The following C6orf89 variants were observed in gnomAD, a reference collection of about 807,000 sequenced individuals.
C6orf89 encodes bombesin receptor-activated protein C6orf89.
C6orf89 carries 29 observed loss-of-function variants against 40.7 expected under a neutral mutation model. That is an observed-to-expected ratio of 0.71 (90% CI 0.53 to 0.97). C6orf89 has a LOEUF of 0.97. C6orf89 is among the 50% of genes least tolerant of loss of function. The probability of loss-of-function intolerance (pLI) is 0.00; values close to 1 mark genes in which losing one functional copy is unlikely to be tolerated. For synonymous variants in C6orf89, 165 were observed against 152.2 expected, an observed-to-expected ratio of 1.08 and a Z score of -0.62; for missense variants, 392 against 429.1, an observed-to-expected ratio of 0.91 and a Z score of 0.76.
chr6:36,905,282 C>T (rs1761887740), intron 4 of C6orf89, among the ~76,000 whole-genome samples: 1 of 152,128 alleles, frequency 6.6e-6, no homozygotes, highest in Admixed American at 6.5e-5. Context: ...ATGATTTGAA[C>T]CCAGGCAGCC....
At chr6:36,911,277 A>G (rs1762115425) in intron 4 of C6orf89, among the ~76,000 whole-genome samples, 1 of 152,116 alleles carries the variant, frequency 6.6e-6, no homozygotes, top group African/African-American at 2.4e-5. Context: ...ATCATCTGAG[A>G]TCAGGAGTTT....
At chr6:36,898,003 C>A (rs971207631) in intron 2 of C6orf89, among the ~76,000 whole-genome samples, 1 of 152,214 alleles carries the variant, frequency 6.6e-6, no homozygotes, top group Non-Finnish European at 1.5e-5. Context: ...AAGAAGCACT[C>A]TTCTTCCTCC....
chr6:36,906,742 A>G (rs1355285302), intron 4 of C6orf89, among the ~76,000 whole-genome samples: 1 of 152,164 alleles, frequency 6.6e-6, no homozygotes, highest in Non-Finnish European at 1.5e-5. Context: ...TTCATTGTCA[A>G]GGCTTCACCC....
intron 1 of C6orf89, among the ~76,000 whole-genome samples, chr6:36,872,395 T>C (rs945114410): frequency 3.3e-5 from 5 of 152,150 alleles, no homozygotes; most frequent in African/African-American, 1.2e-4. Context: ...ACATTACCTA[T>C]TCAAAAAATT....
chr6:36,921,490 C>T (rs532337221), intron 8 of C6orf89, among the ~76,000 whole-genome samples: 2 of 152,106 alleles, frequency 1.3e-5, no homozygotes, highest in African/African-American at 4.8e-5. Flanking sequence ...ACCAGAAAAC[C>T]TTTTGGGGGT....
upstream of C6orf89, among the ~76,000 whole-genome samples, chr6:36,882,727 C>CTTTTTTTT (rs1561854588): frequency 5.2e-5 from 3 of 57,450 alleles, no homozygotes; most frequent in African/African-American, 5.0e-5. Context: ...TTTTTTTTTT[C>CTTTTTTTT]TTTTTTCTTT....
intron 4 of C6orf89, among the ~76,000 whole-genome samples, chr6:36,910,310 GAATTT>G (rs1182028901): frequency 6.6e-6 from 1 of 151,968 alleles, no homozygotes; most frequent in African/African-American, 2.4e-5. Context: ...AATCAATCTA[GAATTT>G]AATTTAGTAT....
intron 2 of C6orf89, among the ~76,000 whole-genome samples, chr6:36,895,368 T>C (rs1276181014): frequency 1.3e-5 from 2 of 152,194 alleles, no homozygotes; most frequent in Non-Finnish European, 2.9e-5. Flanking sequence ...CTTAATGCTT[T>C]GTAATCCATC....
chr6:36,887,176 G>C (rs1274531596), intron 1 of C6orf89, among the ~76,000 whole-genome samples: 2 of 151,250 alleles, frequency 1.3e-5, no homozygotes, highest in African/African-American at 2.4e-5. Context: ...GTGCAGTGGC[G>C]TGATCTCTGC....
intron 8 of C6orf89, among the ~76,000 whole-genome samples, chr6:36,919,919 T>C (rs1451438352): frequency 1.3e-5 from 2 of 152,172 alleles, no homozygotes; most frequent in Admixed American, 6.5e-5. Flanking sequence ...ACATATAGAA[T>C]GCGTGTGTCT....
chr6:36,907,045 C>T (rs1326099624), intron 4 of C6orf89, among the ~76,000 whole-genome samples: 2 of 152,098 alleles, frequency 1.3e-5, no homozygotes, highest in Non-Finnish European at 2.9e-5. Context: ...TTCCTGCCTT[C>T]CTCCCTCCTT....
chr6:36,882,726 T>TTC (rs1561854575), upstream of C6orf89, among the ~76,000 whole-genome samples: 1 of 60,390 alleles, frequency 1.7e-5, no homozygotes, highest in African/African-American at 4.9e-5. Flanking sequence ...TTTTTTTTTT[T>TTC]CTTTTTTCTT....
intron 2 of C6orf89, among the ~76,000 whole-genome samples, chr6:36,894,832 A>G (rs947579218): frequency 6.6e-6 from 1 of 152,178 alleles, no homozygotes; most frequent in Non-Finnish European, 1.5e-5. Context: ...ATGAGTCTTC[A>G]GTTTCTAATG....
rs879352362 is a variant in C6orf89, at chr6:36,913,845, TGC to T, written c.404-438_404-437del. Among the ~76,000 whole-genome samples the T allele has an allele frequency of 0.02, 3,050 of 152,340 alleles. 202 individuals are homozygous for T. The East Asian group carries it at 0.26, about 13-fold the overall frequency. On this transcript the variant is annotated intron_variant, in intron 4 of 8. Coordinates refer to ENST00000480824, the MANE Select transcript of C6orf89 (RefSeq NM_001286635.2). ...ACCTTACCTTTTCAGCGGTCTCCAG[TGC>T]TTATCATTGTTTGTTTTTAAAAATT...
At chr6:36,889,550 T>G (rs1035607888) in intron 1 of C6orf89, among the ~76,000 whole-genome samples, 23 of 148,862 alleles carry the variant, frequency 1.5e-4, no homozygotes, top group African/African-American at 5.8e-4. Flanking sequence ...TCTTCAAGTA[T>G]GTCAATGTCC....
intron 2 of C6orf89, among the ~76,000 whole-genome samples, chr6:36,898,144 A>G (rs1761511621): frequency 6.6e-6 from 1 of 151,852 alleles, no homozygotes; most frequent in Non-Finnish European, 1.5e-5. Flanking sequence ...GTGCAGTGGT[A>G]TGATCATAGC....
intron 1 of C6orf89, among the ~76,000 whole-genome samples, chr6:36,887,622 T>C (rs1195067935): frequency 6.6e-6 from 1 of 152,148 alleles, no homozygotes; most frequent in Admixed American, 6.5e-5. Context: ...AGATGTGAAA[T>C]AGTATGACAG....
At chr6:36,885,208 T>C (rs908453559), upstream of C6orf89, among the ~76,000 whole-genome samples, 2 of 152,204 alleles carry the variant, frequency 1.3e-5, no homozygotes, top group African/African-American at 4.8e-5. Flanking sequence ...AACTGAGTGG[T>C]GGCCAATCCC....
At chr6:36,889,828 ACGT>A (rs1451647347) in intron 1 of C6orf89, among the ~76,000 whole-genome samples, 5 of 152,240 alleles carry the variant, frequency 3.3e-5, no homozygotes, top group African/African-American at 1.2e-4. Context: ...GTGTAGAATA[ACGT>A]CGTTATTCTT....
Sources: allele counts gnomAD v4.1 joint callset (sites outside exome capture counted in the v4.1 genomes callset), GRCh38; gene constraint gnomAD v4.1.1; transcripts MANE v1.5; gene names NCBI Gene and HGNC (gene_info 2026-07-23, HGNC 2026-07-21).